Variants in SOWAHD observed in about 807,000 individuals in gnomAD.
The protein encoded by SOWAHD is ankyrin repeat domain-containing protein SOWAHD.
For missense variants in SOWAHD, 295 were observed against 297.7 expected (o/e 0.99, Z 0.07); for synonymous variants, 142 against 147.2 (o/e 0.96, Z 0.26).
chrX:119,759,240 C>T lies in SOWAHD; in HGVS notation c.573C>T (p.Leu191=), dbSNP rs1002114254. 10 of 1,183,585 alleles carry T rather than the reference C, an allele frequency of 8.4e-6. No homozygotes were observed. The Admixed American group carries it at 9.5e-5, about 11-fold the overall frequency. The change falls in exon 1 of 1, where the codon CTC becomes CTT. Residue 191 remains leucine, a synonymous_variant. Coordinates refer to ENST00000343905, the MANE Select transcript of SOWAHD (RefSeq NM_001105576.3). The part of the protein sequence containing the change: ...SAPGSGGLTP[L]HLAALQGHDM... ...CAGGCAGCGGCGGCCTCACGCCCCT[C>T]CACCTGGCGGCCCTTCAGGGCCACG... is the stretch of plus-strand genomic sequence containing the variant.
Position 119,759,526 on chromosome X carries a change from C to A in SOWAHD, c.859C>A (p.Arg287=). The A allele has an allele frequency of 8.4e-7, 1 of 1,195,071 alleles. No individual in the cohort carries two copies. Among genetic ancestry groups the A allele is most frequent in the Non-Finnish European group, 1.1e-6 (1 of 886,579 alleles). Residue 287 remains arginine, a synonymous_variant, in exon 1 of 1, where the codon CGG becomes AGG. Coordinates refer to ENST00000343905, the MANE Select transcript of SOWAHD (RefSeq NM_001105576.3). ...GACAAGCAGGAGAGTGGCAGCGTCG[C>A]GGACCAAGGCGAAGGACACCGCGGG... The part of the protein sequence containing the change: ...VETSRRVAAS[R]TKAKDTAGSR...
chrX:119,758,992 T>C lies in SOWAHD; in HGVS notation c.325T>C (p.Cys109Arg), dbSNP rs111709686. The change falls in exon 1 of 1, where the codon TGC becomes CGC. Residue 109 changes from cysteine to arginine, a missense_variant. Cys to Arg is a radical substitution (Grantham distance 180). Transcript: ENST00000343905. ...GPSGPGSSRLCLEPREHAWIL... is the reference protein window; with the variant it reads ...GPSGPGSSRLRLEPREHAWIL... ...GAGTGGGCCGGGCAGCAGCAGGCTG[T>C]GCCTGGAACCGCGGGAGCACGCGTG... is the stretch of plus-strand genomic sequence containing the variant. The C allele has an allele frequency of 1.8e-6, 2 of 1,141,083 alleles. No homozygotes were observed. The highest frequency in any genetic ancestry group is 2.3e-6 in the Non-Finnish European group (2 of 866,396). The allele number at this position is 1,141,083 out of a possible 1,213,427, so 94.0% of individuals were successfully genotyped here. A position where few individuals can be genotyped will look rare whatever the true frequency, so the allele number is the denominator to read the frequency against.
Sources: allele counts gnomAD v4.1 joint callset, GRCh38; gene constraint gnomAD v4.1.1; transcripts MANE v1.5; gene names NCBI Gene and HGNC (gene_info 2026-07-23, HGNC 2026-07-21).